ATXN7L1: variants seen among roughly 807,000 people sequenced by gnomAD.
The protein encoded by ATXN7L1 is ataxin 7 like 1.
ATXN7L1 carries 15 observed loss-of-function variants against 70.8 expected under a neutral mutation model. The observed-to-expected ratio is 0.21, with a 90% CI of 0.14 to 0.33. The LOEUF (loss-of-function observed/expected upper bound fraction) is 0.33. ATXN7L1 is among the 10% of genes least tolerant of loss of function. The probability of loss-of-function intolerance (pLI) is 1.00; values close to 1 mark genes in which losing one functional copy is unlikely to be tolerated. For synonymous variants in ATXN7L1, 440 were observed against 445.1 expected (o/e 0.99, Z 0.14); for missense variants, 975 against 1,097.1 (o/e 0.89, Z 1.57).
intron 2 of ATXN7L1, among the ~76,000 whole-genome samples, chr7:105,841,783 C>A (rs1813247654): frequency 6.6e-6 from 1 of 152,178 alleles, no homozygotes; most frequent in Non-Finnish European, 1.5e-5. Flanking sequence ...TAAACTATCA[C>A]AGTATGTACG....
At chr7:105,796,301 G>T (rs1805979915) in intron 2 of ATXN7L1, among the ~76,000 whole-genome samples, 1 of 152,214 alleles carries the variant, frequency 6.6e-6, no homozygotes, top group South Asian at 2.1e-4. Flanking sequence ...GGCGGAGCTT[G>T]CAGTGAACAG....
At chr7:105,785,032 A>G (rs1804090381) in intron 3 of ATXN7L1, among the ~76,000 whole-genome samples, 1 of 152,236 alleles carries the variant, frequency 6.6e-6, no homozygotes, top group African/African-American at 2.4e-5. Context: ...AAAGTTTGGC[A>G]GTTAACCACA....
At chr7:105,691,955 A>T (rs1229893423) in intron 3 of ATXN7L1, among the ~76,000 whole-genome samples, 1 of 152,270 alleles carries the variant, frequency 6.6e-6, no homozygotes, top group East Asian at 1.9e-4. Flanking sequence ...AAGCACAGAA[A>T]GCGAACCGGC....
At chr7:105,799,219 G>A (rs1806440640) in intron 2 of ATXN7L1, among the ~76,000 whole-genome samples, 1 of 152,220 alleles carries the variant, frequency 6.6e-6, no homozygotes, top group Non-Finnish European at 1.5e-5. Flanking sequence ...GCCTTTGCCA[G>A]TGGGACTGCA....
chr7:105,874,288 C>T (rs1818708621), intron 2 of ATXN7L1, among the ~76,000 whole-genome samples: 1 of 152,088 alleles, frequency 6.6e-6, no homozygotes, highest in Non-Finnish European at 1.5e-5. Flanking sequence ...CTGTGCTATA[C>T]CATGACCTTT....
At chr7:105,786,418 G>A (rs187972940) in intron 3 of ATXN7L1, among the ~76,000 whole-genome samples, 82 of 152,326 alleles carry the variant, frequency 5.4e-4, no homozygotes, top group Middle Eastern at 6.8e-3. Flanking sequence ...GAACTCTGCA[G>A]GGGACAGCGG....
At chr7:105,820,337 T>C (rs1251159445) in intron 2 of ATXN7L1, among the ~76,000 whole-genome samples, 2 of 152,118 alleles carry the variant, frequency 1.3e-5, no homozygotes, top group African/African-American at 4.8e-5. Flanking sequence ...GCTTAGTGAC[T>C]TTCTAGAGCG....
In ATXN7L1 at chr7:105,649,591, C is replaced by T. The variant is rs148605475; in HGVS notation, c.579-6470G>A. The stretch of plus-strand genomic sequence containing the variant: ...AAAGAACAGAGGTGGAGACTCATGA[C>T]GGTGCCATTGCAAGAGCCACCAATG... On this transcript the variant is annotated intron_variant, in intron 4 of 11. Transcript: ENST00000419735. 8.9e-5 allele frequency: 88 copies of T among 987,834 alleles called. 1 individual carries two copies. The highest frequency in any genetic ancestry group is 6.6e-4 in the African/African-American group (38 of 57,432). 61.2% of individuals were successfully genotyped at this position (987,834 alleles called of 1,614,324 possible). A position where few individuals can be genotyped will look rare whatever the true frequency, so the allele number is the denominator to read the frequency against.
chr7:105,833,853 A>G (rs187375656), intron 2 of ATXN7L1, among the ~76,000 whole-genome samples: 2 of 152,354 alleles, frequency 1.3e-5, no homozygotes, highest in Non-Finnish European at 2.9e-5. Flanking sequence ...ATAAAATGGT[A>G]ATGATACAGC....
intron 3 of ATXN7L1, among the ~76,000 whole-genome samples, chr7:105,717,124 T>C (rs940230458): frequency 1.3e-5 from 2 of 152,196 alleles, no homozygotes; most frequent in Admixed American, 1.3e-4. Context: ...TTTTTTCATG[T>C]TATAAATTTA....
At chr7:105,720,155 T>C (rs558570183) in intron 3 of ATXN7L1, among the ~76,000 whole-genome samples, 37 of 152,326 alleles carry the variant, frequency 2.4e-4, no homozygotes, top group Admixed American at 2.6e-4. Flanking sequence ...GTATAGCCCT[T>C]GGGTCAGTTA....
chr7:105,799,941 G>A (rs1806568889), intron 2 of ATXN7L1, among the ~76,000 whole-genome samples: 1 of 152,268 alleles, frequency 6.6e-6, no homozygotes, highest in East Asian at 1.9e-4. Context: ...GCTGCCGAGG[G>A]ACAGAAATAA....
At chr7:105,773,486 T>G (rs1802295863) in intron 3 of ATXN7L1, among the ~76,000 whole-genome samples, 1 of 152,162 alleles carries the variant, frequency 6.6e-6, no homozygotes, top group African/African-American at 2.4e-5. Context: ...CTGTGGCACC[T>G]TACAATTAAT....
chr7:105,629,639 CTG>C (rs1256678688), intron 7 of ATXN7L1, among the ~76,000 whole-genome samples: 20 of 151,200 alleles, frequency 1.3e-4, no homozygotes, highest in South Asian at 2.1e-4. Flanking sequence ...CCTCAGCCTC[CTG>C]CGTAGCTGGG....
At chr7:105,776,944 A>AC in intron 3 of ATXN7L1, among the ~76,000 whole-genome samples, 1 of 152,148 alleles carries the variant, frequency 6.6e-6, no homozygotes, top group Admixed American at 6.5e-5. Flanking sequence ...TAACTTTTGT[A>AC]TTTTTAGTAG....
At chr7:105,613,562 G>C in intron 10 of ATXN7L1, 1 of 1,312,524 alleles carries the variant, frequency 7.6e-7, no homozygotes, top group Non-Finnish European at 9.8e-7. Context: ...GAATCTCTCT[G>C]TGCCTCAGTT....
chr7:105,622,441 G>A (rs1795071615), intron 8 of ATXN7L1, among the ~76,000 whole-genome samples: 1 of 152,194 alleles, frequency 6.6e-6, no homozygotes, highest in Non-Finnish European at 1.5e-5. Context: ...GTTCCCGGCT[G>A]GCATGTTACG....
rs1793650453 is a variant in ATXN7L1, at chr7:105,614,938, G to C, written c.1518-122C>G. ...CACCCCGGCAGAACCAGACTATGGAGAATGGAGCCTTGAAGGATGGGAGAA... is the reference window on the plus strand; with the variant it reads ...CACCCCGGCAGAACCAGACTATGGACAATGGAGCCTTGAAGGATGGGAGAA... On this transcript the variant is annotated intron_variant, in intron 9 of 11. Coordinates refer to ENST00000419735, the MANE Select transcript of ATXN7L1 (RefSeq NM_020725.2). This position sits in a 1 kb window ranked among gnomAD's most constrained non-coding sequence, Gnocchi z 4.3. 4 of 1,186,964 alleles carry C rather than the reference G, an allele frequency of 3.4e-6. No homozygotes were observed. Among genetic ancestry groups the C allele is most frequent in the Non-Finnish European group, 4.6e-6 (4 of 867,326 alleles). The allele number at this position is 1,186,964 out of a possible 1,614,324, so 73.5% of individuals were successfully genotyped here. A position where few individuals can be genotyped will look rare whatever the true frequency, so the allele number is the denominator to read the frequency against.
chr7:105,711,005 T>A (rs1328732922), intron 3 of ATXN7L1, among the ~76,000 whole-genome samples: 1 of 152,064 alleles, frequency 6.6e-6, no homozygotes, highest in Admixed American at 6.5e-5. Flanking sequence ...TATAAAACCA[T>A]CAGATCTCAT....
Sources: gnomAD v4.1 joint callset for allele counts (sites outside exome capture counted in the v4.1 genomes callset) on GRCh38, gnomAD v4.1.1 for gene constraint, Gnocchi (gnomAD v3.1) non-coding constraint, MANE v1.5 for transcripts, NCBI Gene and HGNC (gene_info 2026-07-23, HGNC 2026-07-21) for gene names.